Variants in CSMD2 observed in about 807,000 individuals in gnomAD.
The protein encoded by CSMD2 is CUB and Sushi multiple domains 2.
In CSMD2, 130 loss-of-function variants were observed where a neutral mutation model predicts 398.5. The ratio of observed to expected loss-of-function variants is 0.33; its 90% CI spans 0.28 to 0.38. CSMD2 has a LOEUF of 0.38. Among genes scored for constraint, CSMD2 ranks in the 10% least tolerant of loss-of-function variants. CSMD2 has a pLI of 1.00. For missense variants in CSMD2, 3,829 were observed against 4,764.9 expected (o/e 0.80, Z 5.78); for synonymous variants, 1,828 against 1,908.5 (o/e 0.96, Z 1.10).
intron 5 of CSMD2, among the ~76,000 whole-genome samples, chr1:33,850,470 C>T (rs1039674137): frequency 1.3e-5 from 2 of 152,224 alleles, no homozygotes; most frequent in African/African-American, 2.4e-5. Flanking sequence ...CACTGCATTA[C>T]ACTCACATGT....
chr1:33,868,449 A>G (rs1468784502), intron 5 of CSMD2, among the ~76,000 whole-genome samples: 6 of 152,138 alleles, frequency 3.9e-5, no homozygotes, highest in Non-Finnish European at 8.8e-5. Flanking sequence ...TAAAAAAACA[A>G]CAAATAGGCC....
At chr1:33,695,000 A>G (rs1343020691) in intron 24 of CSMD2, among the ~76,000 whole-genome samples, 2 of 152,210 alleles carry the variant, frequency 1.3e-5, no homozygotes, top group Non-Finnish European at 1.5e-5. Flanking sequence ...AACAAGTAGC[A>G]GCAGAAGTGA....
intron 9 of CSMD2, among the ~76,000 whole-genome samples, chr1:33,816,513 T>C (rs1054888361): frequency 7.9e-5 from 12 of 152,146 alleles, no homozygotes; most frequent in African/African-American, 2.7e-4. Context: ...CTTGTATCTG[T>C]TTTATTTATT....
chr1:34,091,254 A>G (rs1458832014), intron 1 of CSMD2, among the ~76,000 whole-genome samples: 1 of 152,184 alleles, frequency 6.6e-6, no homozygotes, highest in African/African-American at 2.4e-5. Flanking sequence ...CAAGCTCAGT[A>G]TTAGGTACAT....
At chr1:34,042,429 A>G (rs891136480) in intron 2 of CSMD2, among the ~76,000 whole-genome samples, 6 of 152,180 alleles carry the variant, frequency 3.9e-5, no homozygotes, top group Non-Finnish European at 8.8e-5. Context: ...TAAAAGCCCA[A>G]TTTGCTATAT....
chr1:33,969,927 G>A (rs1034622151), intron 3 of CSMD2, among the ~76,000 whole-genome samples: 5 of 151,980 alleles, frequency 3.3e-5, no homozygotes, highest in African/African-American at 1.2e-4. Context: ...GCCTCAACAT[G>A]GAGAAACCCC....
At chr1:33,678,348 A>G (rs1189362535) in intron 25 of CSMD2, among the ~76,000 whole-genome samples, 1 of 151,400 alleles carries the variant, frequency 6.6e-6, no homozygotes, top group Non-Finnish European at 1.5e-5. Flanking sequence ...ACATGCAAAA[A>G]TGAGAAAATA....
chr1:34,132,568 G>C (rs1663472155), intron 1 of CSMD2, among the ~76,000 whole-genome samples: 1 of 152,196 alleles, frequency 6.6e-6, no homozygotes, highest in Non-Finnish European at 1.5e-5. Context: ...GTTTGTGAAG[G>C]TGTTCAGGAA....
intron 55 of CSMD2, among the ~76,000 whole-genome samples, chr1:33,555,530 C>T (rs1202007969): frequency 6.6e-6 from 1 of 152,180 alleles, no homozygotes; most frequent in Non-Finnish European, 1.5e-5. Flanking sequence ...TATCAAACAG[C>T]AGCATACGCT....
At chr1:33,628,971 A>G (rs369358406) in intron 32 of CSMD2, among the ~76,000 whole-genome samples, 10 of 151,982 alleles carry the variant, frequency 6.6e-5, no homozygotes, top group African/African-American at 2.4e-4. Flanking sequence ...CCGTAATTTG[A>G]TTTACAATCA....
chr1:33,874,464 T>G (rs191730487), intron 5 of CSMD2, among the ~76,000 whole-genome samples: 1 of 152,236 alleles, frequency 6.6e-6, no homozygotes, highest in Non-Finnish European at 1.5e-5. Context: ...TTCTGTCCTG[T>G]GTCTCCCTTC....
chr1:33,955,750 C>A (rs56396614), intron 3 of CSMD2, among the ~76,000 whole-genome samples: 2 of 105,494 alleles, frequency 1.9e-5, no homozygotes, highest in Non-Finnish European at 4.4e-5. Flanking sequence ...ACCACCATCA[C>A]CATCATCATC....
Position 33,624,906 on chromosome 1 carries a change from T to A in CSMD2, c.5500+145A>T, listed in dbSNP as rs1282826685. On this transcript the variant is annotated intron_variant, in intron 34 of 70. Coordinates refer to ENST00000373381, the MANE Select transcript of CSMD2 (RefSeq NM_001281956.2). The surrounding 1 kb of genome is among the most constrained non-coding windows in gnomAD (Gnocchi z 4.7). ...CAGCCCACAGCGCCGGGGACTGGGGTTGACTGGGACACCCCACCTCAGCCA... is the reference window on the plus strand; with the variant it reads ...CAGCCCACAGCGCCGGGGACTGGGGATGACTGGGACACCCCACCTCAGCCA... 2.2e-6 allele frequency: 2 copies of A among 920,958 alleles called. No individual in the cohort carries two copies. Among genetic ancestry groups the A allele is most frequent in the Non-Finnish European group, 3.3e-6 (2 of 598,560 alleles). The allele number at this position is 920,958 out of a possible 1,614,324, so 57.0% of individuals were successfully genotyped here.
intron 3 of CSMD2, among the ~76,000 whole-genome samples, chr1:33,975,168 G>A (rs537780960): frequency 6.6e-6 from 1 of 152,264 alleles, no homozygotes; most frequent in Admixed American, 6.5e-5. Context: ...CAGGGTACAT[G>A]CCCAGCACCA....
At chr1:34,023,436 C>G (rs1649196548) in intron 3 of CSMD2, among the ~76,000 whole-genome samples, 1 of 152,196 alleles carries the variant, frequency 6.6e-6, no homozygotes, top group South Asian at 2.1e-4. Flanking sequence ...TTGTGTTGTA[C>G]AAAAGCCTTA....
intron 22 of CSMD2, among the ~76,000 whole-genome samples, chr1:33,703,397 T>A (rs1645674503): frequency 6.6e-6 from 1 of 152,200 alleles, no homozygotes; most frequent in Non-Finnish European, 1.5e-5. Context: ...TATTCCTGGG[T>A]ATTTTTATAT....
intron 4 of CSMD2, among the ~76,000 whole-genome samples, chr1:33,924,742 G>A (rs547457573): frequency 1.3e-5 from 2 of 152,172 alleles, no homozygotes; most frequent in South Asian, 4.1e-4. Context: ...TCTAACTAGG[G>A]TAAAATGATA....
chr1:33,765,380 G>A (rs1241809323), intron 13 of CSMD2, among the ~76,000 whole-genome samples: 1 of 152,114 alleles, frequency 6.6e-6, no homozygotes, highest in Non-Finnish European at 1.5e-5. Flanking sequence ...TAGAAATAGA[G>A]CAGCAGAACA....
intron 4 of CSMD2, among the ~76,000 whole-genome samples, chr1:33,931,333 T>C (rs1423478492): frequency 6.6e-6 from 1 of 152,240 alleles, no homozygotes; most frequent in Non-Finnish European, 1.5e-5. Flanking sequence ...GTATGGTGGG[T>C]ACCCTTTGTT....
Sources: allele counts gnomAD v4.1 joint callset (sites outside exome capture counted in the v4.1 genomes callset), GRCh38; gene constraint gnomAD v4.1.1; non-coding constraint Gnocchi (gnomAD v3.1); transcripts MANE v1.5; gene names NCBI Gene and HGNC (gene_info 2026-07-23, HGNC 2026-07-21).